The following MED23 variants were observed in gnomAD, a reference collection of about 807,000 sequenced individuals.
MED23 encodes the protein mediator of RNA polymerase II transcription subunit 23.
A neutral mutation model predicts 163.9 loss-of-function variants in MED23; 105 were observed. That is an observed-to-expected ratio of 0.64 (90% CI 0.55 to 0.75). MED23 has a LOEUF of 0.75. MED23 is among the 30% of genes least tolerant of loss of function. The probability of loss-of-function intolerance (pLI) is 0.00; values close to 1 mark genes in which losing one functional copy is unlikely to be tolerated. For synonymous variants in MED23, 561 were observed against 565.6 expected, an observed-to-expected ratio of 0.99 and a Z score of 0.12; for missense variants, 1,054 against 1,649.0, an observed-to-expected ratio of 0.64 and a Z score of 6.25.
rs181650102 is a variant in MED23, at chr6:131,592,961, T to C, written c.3398+45A>G. On this transcript the variant is annotated intron_variant, in intron 24 of 28. Coordinates refer to ENST00000368068, the MANE Select transcript of MED23 (RefSeq NM_004830.4). ...AGTTTGAAATAGAATACCATTCTAT[T>C]TACAAATAAACAACAAATCTTACTG... is the stretch of plus-strand genomic sequence containing the variant. 4.2e-4 allele frequency: 673 copies of C among 1,609,138 alleles called. 2 individuals carry two copies. In the African/African-American group the frequency reaches 7.9e-3, roughly 19 times the overall value.
chr6:131,612,436 A>G (rs1244195366), intron 10 of MED23, among the ~76,000 whole-genome samples: 1 of 152,112 alleles, frequency 6.6e-6, no homozygotes, highest in Admixed American at 6.5e-5. Flanking sequence ...TGGAACAAAC[A>G]TTTGTAAAGC....
In MED23 at chr6:131,577,630, G is replaced by A. The variant is rs919268110; in HGVS notation, c.4096-3335C>T. 3.9e-5 allele frequency among the ~76,000 whole-genome samples: 6 copies of A among 152,024 alleles called. No homozygotes were observed. The South Asian group carries it at 1.0e-3, about 26-fold the overall frequency. ...AAAAAGGAATGGACTGGTCGGGCAC[G>A]GTGGCTGAGGCCTGTAATCCTATCA... On this transcript the variant is annotated intron_variant, in intron 30 of 30. Coordinates refer to the MED23 transcript ENST00000354577.
At position 131,594,239 on chromosome 6, in the gene MED23, A is replaced by G. The variant is rs1178160573; in HGVS notation, c.3092T>C (p.Ile1031Thr). 6.2e-7 allele frequency: 1 copy of G among 1,614,196 alleles called. No homozygotes were observed. Among genetic ancestry groups the G allele is most frequent in the Non-Finnish European group, 8.5e-7 (1 of 1,180,024 alleles). ...FLKRKLVHAIIGSLKDNRPQG... is the reference protein window; with the variant it reads ...FLKRKLVHAITGSLKDNRPQG... ...CGGTCGATTATCCTTCAGAGAGCCA[A>G]TGATCGCATGGACGAGTTTTCGTTT... Residue 1031 changes from isoleucine (I) to threonine (T), a missense_variant, in exon 23 of 29, where the codon ATT (isoleucine) becomes ACT (threonine). Physicochemically the swap from Ile to Thr is moderately conservative, Grantham distance 89. Around this residue, in one of 11 missense-constraint regions of MED23, gnomAD observed 362 missense variants for 471.6 expected, o/e 0.77. Transcript: ENST00000368068.
intron 10 of MED23, among the ~76,000 whole-genome samples, chr6:131,615,066 CAAAAAAAA>C (rs5880072): frequency 2.9e-5 from 2 of 68,242 alleles, no homozygotes; most frequent in East Asian, 4.3e-4. Context: ...TCTTTGTTAC[CAAAAAAAA>C]AAAAAAAAAA....
Position 131,628,088 on chromosome 6 carries a change from G to A in MED23, c.-39C>T, listed in dbSNP as rs1585590313. Reference sequence around the variant, plus strand: ...CCCGCCTTTCCAGGGTGCCCGGCAAGGCCCGGATCAGACTCGAGCTCTGGG... The same window carrying A: ...CCCGCCTTTCCAGGGTGCCCGGCAAAGCCCGGATCAGACTCGAGCTCTGGG... On this transcript the variant is annotated 5_prime_UTR_variant, in exon 1 of 29. Transcript: ENST00000368068. The A allele has an allele frequency of 1.2e-6, 2 of 1,612,608 alleles. No individual in the cohort carries two copies. Among genetic ancestry groups the A allele is most frequent in the Non-Finnish European group, 8.5e-7 (1 of 1,179,176 alleles).
downstream of MED23, among the ~76,000 whole-genome samples, chr6:131,582,355 G>C (rs1264412767): frequency 6.6e-6 from 1 of 152,132 alleles, no homozygotes; most frequent in African/African-American, 2.4e-5. Context: ...GAGCACAATC[G>C]TTTCTTTATA....
intron 24 of MED23, 56 bp downstream of exon 24, chr6:131,592,950 T>G: frequency 5.0e-6 from 8 of 1,599,250 alleles, no homozygotes; most frequent in Non-Finnish European, 6.9e-6. Flanking sequence ...TGAAATAGAA[T>G]ACCATTCTAT....
At chr6:131,605,826 T>C (rs1361602841) in intron 13 of MED23, among the ~76,000 whole-genome samples, 6 of 152,180 alleles carry the variant, frequency 3.9e-5, no homozygotes, top group African/African-American at 1.2e-4. Flanking sequence ...AACACAACAA[T>C]GTCTTCATTA....
chr6:131,611,207 A>C lies in MED23; in HGVS notation c.877-961T>G, dbSNP rs143164725. ...CAGTCTTTTGCCATGAAAAAGGGAT[A>C]TGATTTTTTCAAATTTAGGGAAAAA... On this transcript the variant is annotated intron_variant, in intron 10 of 28. Transcript: ENST00000368068. Among the ~76,000 whole-genome samples the C allele has an allele frequency of 3.0e-4, 46 of 152,226 alleles. No homozygotes were observed. In the East Asian group the frequency reaches 6.7e-3, roughly 22 times the overall value.
chr6:131,578,186 T>TAAA (rs34484161), intron 30 of MED23, among the ~76,000 whole-genome samples: 1 of 140,096 alleles, frequency 7.1e-6, no homozygotes, highest in Non-Finnish European at 1.5e-5. Context: ...CGTAAATCTT[T>TAAA]AAAAAAAAAA....
intron 30 of MED23, chr6:131,579,430 G>A (rs554516926): frequency 2.3e-6 from 2 of 863,788 alleles, no homozygotes; most frequent in Non-Finnish European, 3.5e-6. Context: ...AAATTTTATA[G>A]GTTACTTTTA....
rs781012015 is a variant in MED23, at chr6:131,587,669, C to T, written c.*10G>A. 1.9e-6 allele frequency: 3 copies of T among 1,614,026 alleles called. No individual in the cohort carries two copies. Among genetic ancestry groups the T allele is most frequent in the South Asian group, 2.2e-5 (2 of 91,074 alleles). On this transcript the variant is annotated 3_prime_UTR_variant, in exon 29 of 29. Coordinates refer to ENST00000368068, the MANE Select transcript of MED23 (RefSeq NM_004830.4). ...ATATATTTCTACTTTCTCCACAGTA[C>T]AGTCTGGCTTCACTGAGTTACTGGT...
chr6:131,627,754 C>T, intron 1 of MED23, 82 bp from the exon 2 acceptor site: 2 of 1,307,100 alleles, frequency 1.5e-6, no homozygotes, highest in Non-Finnish European at 2.2e-6. Flanking sequence ...CAATGTAACA[C>T]AGGGCAAGTC....
chr6:131,620,329 G>A (rs948534985), intron 7 of MED23, among the ~76,000 whole-genome samples: 3 of 151,734 alleles, frequency 2.0e-5, no homozygotes, highest in Admixed American at 6.6e-5. Context: ...TCCTTTTGCC[G>A]AAGCTAGAGT....
chr6:131,613,845 T>C (rs1776452052), intron 10 of MED23, among the ~76,000 whole-genome samples: 1 of 111,668 alleles, frequency 9.0e-6, no homozygotes, highest in Admixed American at 1.1e-4. Flanking sequence ...TACTCTCAAT[T>C]GTTTTGTCAA....
intron 9 of MED23, among the ~76,000 whole-genome samples, chr6:131,617,834 T>C (rs1776804504): frequency 6.6e-6 from 1 of 152,198 alleles, no homozygotes; most frequent in Non-Finnish European, 1.5e-5. Flanking sequence ...AAAATTTCAG[T>C]GATTTGAAAA....
intron 16 of MED23, among the ~76,000 whole-genome samples, chr6:131,602,757 C>T (rs1024723818): frequency 6.6e-6 from 1 of 152,012 alleles, no homozygotes; most frequent in Non-Finnish European, 1.5e-5. Flanking sequence ...TTCTAAAGGG[C>T]TAAGTTACAA....
chr6:131,628,231 T>C lies in MED23; in HGVS notation c.-182A>G. Reference sequence around the variant, plus strand: ...CCGAGCCCAGCCAACAGCAGGAACCTGTACGGAAGACGGGAAGGGCCCGGT... The same window carrying C: ...CCGAGCCCAGCCAACAGCAGGAACCCGTACGGAAGACGGGAAGGGCCCGGT... On this transcript the variant is annotated 5_prime_UTR_variant, in exon 1 of 29. Coordinates refer to ENST00000368068, the MANE Select transcript of MED23 (RefSeq NM_004830.4). 1 of 671,320 alleles carries C rather than the reference T, an allele frequency of 1.5e-6. No individual in the cohort carries two copies. The highest frequency in any genetic ancestry group is 2.6e-6 in the Non-Finnish European group (1 of 383,916). 41.6% of individuals were successfully genotyped at this position (671,320 alleles called of 1,614,324 possible).
chr6:131,590,335 C>A lies in MED23; in HGVS notation c.3794G>T (p.Arg1265Leu), dbSNP rs770824001. ...ATTATATTTTACCTCTATCATACAA[C>A]GAGTTCTCTCTTGCTGAAATCTTTG... ...FLQRFQQERT[R>L]CMIEIGVAFY... is the part of the protein sequence containing the mutation. The change falls in exon 27 of 29, where the codon CGT becomes CTT. Residue 1265 changes from arginine to leucine, a missense_variant. Arg to Leu is a moderately radical substitution (Grantham distance 102). This residue lies in a region of MED23 where 362 missense variants were observed against 471.6 expected (regional missense o/e 0.77). Transcript: ENST00000368068. 1 of 1,612,172 alleles carries A rather than the reference C, an allele frequency of 6.2e-7. No homozygotes were observed. The highest frequency in any genetic ancestry group is 1.1e-5 in the South Asian group (1 of 91,042).
Sources: allele counts gnomAD v4.1 joint callset (sites outside exome capture counted in the v4.1 genomes callset), GRCh38; gene constraint gnomAD v4.1.1; regional missense constraint gnomAD v4.1.1; transcripts MANE v1.5; gene names NCBI Gene and HGNC (gene_info 2026-07-23, HGNC 2026-07-21).